The following OSBPL9 variants were observed in gnomAD, a reference collection of about 807,000 sequenced individuals.
OSBPL9 encodes the protein oxysterol-binding protein-related protein 9.
OSBPL9 carries 40 observed loss-of-function variants against 106.6 expected under a neutral mutation model. The ratio of observed to expected loss-of-function variants is 0.38; its 90% confidence interval spans 0.29 to 0.49. OSBPL9 has a LOEUF of 0.49. Among genes scored for constraint, OSBPL9 ranks in the 20% least tolerant of loss-of-function variants. OSBPL9 has a pLI of 0.97. For missense variants in OSBPL9, 609 were observed against 887.2 expected (o/e 0.69, Z 3.98); for synonymous variants, 269 against 295.4 (o/e 0.91, Z 0.92).
At chr1:51,633,549 C>T (rs903130473) in intron 1 of OSBPL9, among the ~76,000 whole-genome samples, 1 of 151,542 alleles carries the variant, frequency 6.6e-6, no homozygotes, top group Non-Finnish European at 1.5e-5. Context: ...TGTGTTCCTG[C>T]CAGTCCACTC....
chr1:51,608,435 G>A (rs1643963020), intron 2 of OSBPL9, among the ~76,000 whole-genome samples: 1 of 151,922 alleles, frequency 6.6e-6, no homozygotes, highest in African/African-American at 2.4e-5. Flanking sequence ...TGGGATTACA[G>A]GAGTGTGCCA....
chr1:51,626,501 G>A (rs1029386955), intron 1 of OSBPL9, among the ~76,000 whole-genome samples: 1 of 151,844 alleles, frequency 6.6e-6, no homozygotes, highest in Admixed American at 6.6e-5. Context: ...TAGATAGCCT[G>A]TTGCTTTTTA....
At chr1:51,554,922 C>G in the OSBPL9 span, among the ~76,000 whole-genome samples, 1 of 152,158 alleles carries the variant, frequency 6.6e-6, no homozygotes, top group East Asian at 1.9e-4. Context: ...GCTACTGGCC[C>G]AGAGGTTGTA....
intron 15 of OSBPL9, among the ~76,000 whole-genome samples, chr1:51,779,907 C>G (rs1675927582): frequency 6.6e-6 from 1 of 152,114 alleles, no homozygotes; most frequent in East Asian, 1.9e-4. Context: ...GAAACCCCGT[C>G]TCTACTAAAA....
the OSBPL9 span, among the ~76,000 whole-genome samples, chr1:51,525,120 C>G: frequency 3.9e-5 from 6 of 152,180 alleles, no homozygotes; most frequent in Non-Finnish European, 8.8e-5. Context: ...TTTGAGGAAT[C>G]CTGATTCTGA....
intron 1 of OSBPL9, among the ~76,000 whole-genome samples, chr1:51,634,873 AAGAACCAAGGGAAG>A (rs534854103): frequency 2.6e-5 from 4 of 152,322 alleles, no homozygotes; most frequent in African/African-American, 9.6e-5. Context: ...AAGAGAGAAT[AAGAACCAAGGGAAG>A]AGGGAAACCG....
At chr1:51,630,684 T>C (rs1285183357) in intron 1 of OSBPL9, among the ~76,000 whole-genome samples, 1 of 152,174 alleles carries the variant, frequency 6.6e-6, no homozygotes, top group Non-Finnish European at 1.5e-5. Flanking sequence ...TAGGTAACGC[T>C]AAACTTACAA....
At chr1:51,543,456 C>T in the OSBPL9 span, among the ~76,000 whole-genome samples, 17 of 152,180 alleles carry the variant, frequency 1.1e-4, no homozygotes, top group African/African-American at 2.2e-4. Flanking sequence ...AGTGCAGTGG[C>T]GCCATCTCAG....
At chr1:51,786,017 G>A in intron 21 of OSBPL9, 131 bp downstream of exon 21, 2 of 772,950 alleles carry the variant, frequency 2.6e-6, no homozygotes, top group Non-Finnish European at 4.2e-6. Context: ...TGGAACTTTA[G>A]GACAGCTCCA....
At chr1:51,580,950 A>G (rs868442128) in intron 1 of OSBPL9, among the ~76,000 whole-genome samples, 3 of 1,404 alleles carry the variant, frequency 2.1e-3, no homozygotes, top group African/African-American at 6.5e-3. Context: ...ATATATATAT[A>G]TATAACTTTT....
In OSBPL9 at chr1:51,667,807, A is replaced by G. The variant is rs182454005; in HGVS notation, c.163-1627A>G. Among the ~76,000 whole-genome samples the G allele has an allele frequency of 7.2e-5, 11 of 152,336 alleles. No individual in the cohort carries two copies. The East Asian group carries it at 7.7e-4, about 11-fold the overall frequency. On this transcript the variant is annotated intron_variant, in intron 2 of 23. Transcript: ENST00000428468. ...CGTGGAATAGCTAGGTTCCATGCCA[A>G]TGGTGATCTGGTACTGGTTCTGCTG... is the stretch of plus-strand genomic sequence containing the variant.
chr1:51,617,518 G>A (rs1377039937), intron 1 of OSBPL9, among the ~76,000 whole-genome samples: 2 of 152,160 alleles, frequency 1.3e-5, no homozygotes, highest in African/African-American at 4.8e-5. Flanking sequence ...GTTGTGAGCG[G>A]GTAAGGGTGA....
intron 8 of OSBPL9, 142 bp downstream of exon 8, chr1:51,750,337 C>A (rs1293582020): frequency 9.7e-5 from 53 of 545,784 alleles, no homozygotes; most frequent in Non-Finnish European, 2.9e-5. Context: ...TTCTATGGAA[C>A]AACTGTTGTG....
At position 51,789,124 on chromosome 1, in the gene OSBPL9, A is replaced by G; in HGVS notation, c.*1335A>G. The G allele has an allele frequency of 1.1e-6, 1 of 950,122 alleles. No individual in the cohort carries two copies. The allele number at this position is 950,122 out of a possible 1,614,324, so 58.9% of individuals were successfully genotyped here. ...AAAGTAAATCAAATGCTATGATGCC[A>G]GTGCAAAACTTCAATGGAAGCCCTA... On this transcript the variant is annotated 3_prime_UTR_variant, in exon 24 of 24. Coordinates refer to ENST00000428468, the MANE Select transcript of OSBPL9 (RefSeq NM_024586.6).
intron 1 of OSBPL9, among the ~76,000 whole-genome samples, chr1:51,585,712 G>C (rs1645244405): frequency 6.6e-6 from 1 of 151,740 alleles, no homozygotes; most frequent in Non-Finnish European, 1.5e-5. Flanking sequence ...GGAAGTGGAG[G>C]TTGCAGTGAG....
At chr1:51,626,008 A>G (rs1173610265) in intron 1 of OSBPL9, among the ~76,000 whole-genome samples, 1 of 152,164 alleles carries the variant, frequency 6.6e-6, no homozygotes, top group Non-Finnish European at 1.5e-5. Context: ...GTTTTGTTCC[A>G]TTGAGGCCCC....
chr1:51,634,166 C>G (rs934074231), intron 1 of OSBPL9, among the ~76,000 whole-genome samples: 1 of 152,052 alleles, frequency 6.6e-6, no homozygotes, highest in Non-Finnish European at 1.5e-5. Context: ...TCTTCTTGTT[C>G]CCTTTTTATA....
At position 51,788,454 on chromosome 1, in the gene OSBPL9, A is replaced by G. The variant is rs1459127814; in HGVS notation, c.*665A>G. The G allele has an allele frequency of 6.6e-6, 1 of 152,532 alleles. No homozygotes were observed. Among genetic ancestry groups the G allele is most frequent in the South Asian group, 2.1e-4 (1 of 4,820 alleles). The allele number at this position is 152,532 out of a possible 1,614,324, so 9.4% of individuals were successfully genotyped here. ...AAGGCTTCATAAAGTAATTTTTCCAACCTTTTTTTTAAAAATGTGCATCTT... is the reference window on the plus strand; with the variant it reads ...AAGGCTTCATAAAGTAATTTTTCCAGCCTTTTTTTTAAAAATGTGCATCTT... On this transcript the variant is annotated 3_prime_UTR_variant, in exon 24 of 24. Coordinates refer to ENST00000428468, the MANE Select transcript of OSBPL9 (RefSeq NM_024586.6).
chr1:51,730,864 A>G (rs1214800834), intron 4 of OSBPL9, among the ~76,000 whole-genome samples: 1 of 152,220 alleles, frequency 6.6e-6, no homozygotes, highest in Non-Finnish European at 1.5e-5. Flanking sequence ...GAAGCATCTT[A>G]GAATAGTAGT....
Sources: gnomAD v4.1 joint callset for allele counts (sites outside exome capture counted in the v4.1 genomes callset) on GRCh38, gnomAD v4.1.1 for gene constraint, MANE v1.5 for transcripts, NCBI Gene and HGNC (gene_info 2026-07-23, HGNC 2026-07-21) for gene names.